GRM1: variants seen among roughly 807,000 people sequenced by gnomAD.
The protein encoded by GRM1 is glutamate metabotropic receptor 1.
A neutral mutation model predicts 90.9 loss-of-function variants in GRM1; 33 were observed. The ratio of observed to expected loss-of-function variants is 0.36; its 90% CI spans 0.28 to 0.49. The LOEUF (loss-of-function observed/expected upper bound fraction) is 0.49. GRM1 is among the 20% of genes least tolerant of loss of function. The pLI is 0.99. For missense variants in GRM1, 1,190 were observed against 1,534.3 expected, an observed-to-expected ratio of 0.78 and a Z score of 3.75; for synonymous variants, 700 against 613.2, an observed-to-expected ratio of 1.14 and a Z score of -2.09.
chr6:146,109,435 A>G (rs189390608), intron 1 of GRM1, among the ~76,000 whole-genome samples: 1 of 152,290 alleles, frequency 6.6e-6, no homozygotes, highest in Admixed American at 6.5e-5. Flanking sequence ...CTGCGAGTGC[A>G]CAGAAGTCAA....
At chr6:146,096,137 T>C (rs1326453159) in intron 1 of GRM1, among the ~76,000 whole-genome samples, 1 of 152,200 alleles carries the variant, frequency 6.6e-6, no homozygotes, top group Non-Finnish European at 1.5e-5. Context: ...TCAGATACTT[T>C]AGTTTTTGTA....
Position 146,179,757 on chromosome 6 carries a change from C to T in GRM1, c.950+20160C>T, listed in dbSNP as rs547659684. ...GTCTCGATCTCCTGACCTTGTGATC[C>T]GCCCACCTCGGCCTCCCAAAGTGCT... On this transcript the variant is annotated intron_variant, in intron 2 of 7. Transcript: ENST00000282753. Among the ~76,000 whole-genome samples, 5 of 152,118 alleles carry T rather than the reference C, an allele frequency of 3.3e-5. No individual in the cohort carries two copies. The East Asian group carries it at 7.7e-4, about 23-fold the overall frequency.
chr6:146,336,330 G>A (rs941647396), intron 3 of GRM1, among the ~76,000 whole-genome samples: 10 of 152,184 alleles, frequency 6.6e-5, no homozygotes, highest in African/African-American at 9.7e-5. Context: ...GAGGAAGTAA[G>A]CTAAGACTGG....
At chr6:146,318,697 T>A (rs905970836) in intron 3 of GRM1, among the ~76,000 whole-genome samples, 1 of 152,222 alleles carries the variant, frequency 6.6e-6, no homozygotes, top group African/African-American at 2.4e-5. Flanking sequence ...ATCACCATTC[T>A]AAATGGCAAG....
intron 2 of GRM1, among the ~76,000 whole-genome samples, chr6:146,253,992 C>T (rs752884107): frequency 5.3e-5 from 8 of 151,844 alleles, no homozygotes; most frequent in Non-Finnish European, 1.2e-4. Context: ...GAAAACCCTA[C>T]ATCCCAGGAT....
chr6:146,132,646 A>G (rs994783326), intron 1 of GRM1, among the ~76,000 whole-genome samples: 6 of 152,202 alleles, frequency 3.9e-5, no homozygotes, highest in Admixed American at 2.0e-4. Flanking sequence ...AAACAGACAT[A>G]TGATGAAGGT....
intron 2 of GRM1, among the ~76,000 whole-genome samples, chr6:146,264,873 T>A (rs942519796): frequency 2.6e-5 from 4 of 152,310 alleles, no homozygotes; most frequent in African/African-American, 9.6e-5. Flanking sequence ...ATTTTATTCT[T>A]TTTTATGGCT....
chr6:146,398,851 C>T lies in GRM1; in HGVS notation c.1812C>T (p.Ile604=). The change falls in exon 7 of 8, where the codon ATC becomes ATT. Residue 604 remains isoleucine (I), a synonymous_variant. Transcript: ENST00000282753. Reference sequence around the variant, plus strand: ...CCATCGCCTTTTCATGCCTGGGAATCCTTGTTACCTTGTTTGTCACCCTAA... The same window carrying T: ...CCATCGCCTTTTCATGCCTGGGAATTCTTGTTACCTTGTTTGTCACCCTAA... ...IIAIAFSCLG[I]LVTLFVTLIF... is the part of the protein sequence containing the mutation. 1.9e-6 allele frequency: 3 copies of T among 1,613,714 alleles called. No homozygotes were observed. Among genetic ancestry groups the T allele is most frequent in the Non-Finnish European group, 2.5e-6 (3 of 1,179,640 alleles).
intron 1 of GRM1, among the ~76,000 whole-genome samples, chr6:146,129,181 A>G (rs1391377931): frequency 2.0e-5 from 3 of 151,950 alleles, no homozygotes; most frequent in Admixed American, 6.6e-5. Flanking sequence ...TTCTTTTTTC[A>G]TCTATTAATA....
intron 7 of GRM1, among the ~76,000 whole-genome samples, chr6:146,420,802 T>C (rs1777963286): frequency 6.6e-6 from 1 of 152,136 alleles, no homozygotes; most frequent in South Asian, 2.1e-4. Flanking sequence ...AGAAACTAAA[T>C]AGATGATGAG....
At chr6:146,191,637 TC>T (rs780411313) in intron 2 of GRM1, among the ~76,000 whole-genome samples, 8 of 152,222 alleles carry the variant, frequency 5.3e-5, no homozygotes, top group Non-Finnish European at 1.2e-4. Flanking sequence ...AAATATTGAA[TC>T]CTTTCTGTTT....
At chr6:146,222,173 AC>A (rs1189619570) in intron 2 of GRM1, among the ~76,000 whole-genome samples, 1 of 152,192 alleles carries the variant, frequency 6.6e-6, no homozygotes, top group African/African-American at 2.4e-5. Flanking sequence ...AGTATTATGT[AC>A]AATTGTAAAG....
At chr6:146,243,733 G>C (rs1223955728) in intron 2 of GRM1, among the ~76,000 whole-genome samples, 1 of 152,108 alleles carries the variant, frequency 6.6e-6, no homozygotes, top group Non-Finnish European at 1.5e-5. Context: ...ATCTTATCAG[G>C]AGACAGGGTT....
chr6:146,173,430 A>AAAAG (rs199557620), intron 2 of GRM1, among the ~76,000 whole-genome samples: 3 of 151,344 alleles, frequency 2.0e-5, no homozygotes, highest in South Asian at 2.1e-4. Context: ...AAGAAAAAGA[A>AAAAG]AAAGAAAGAA....
intron 2 of GRM1, among the ~76,000 whole-genome samples, chr6:146,258,908 A>T (rs1004588471): frequency 6.6e-6 from 1 of 152,168 alleles, no homozygotes; most frequent in East Asian, 1.9e-4. Context: ...ATCTTGTTCA[A>T]TGCATTGAAA....
Position 146,434,376 on chromosome 6 carries a change from C to G in GRM1, c.3165C>G (p.Pro1055=). 1 of 1,613,354 alleles carries G rather than the reference C, an allele frequency of 6.2e-7. No individual in the cohort carries two copies. Among genetic ancestry groups the G allele is most frequent in the South Asian group, 1.1e-5 (1 of 91,030 alleles). Residue 1055 remains proline (P), a synonymous_variant, in exon 8 of 8, where the codon CCC becomes CCG. Transcript: ENST00000282753. ...ATTTTCACGCGGTGCTGGCAGGCCCCGGTGGTCCCGGGAACGGGCTGCGGT... is the reference window on the plus strand; with the variant it reads ...ATTTTCACGCGGTGCTGGCAGGCCCGGGTGGTCCCGGGAACGGGCTGCGGT... ...IPDFHAVLAG[P]GGPGNGLRSL... is the part of the protein sequence containing the mutation.
intron 7 of GRM1, among the ~76,000 whole-genome samples, chr6:146,432,264 C>T (rs1219859976): frequency 1.3e-5 from 2 of 152,126 alleles, no homozygotes; most frequent in African/African-American, 2.4e-5. Flanking sequence ...CTCAAATAAT[C>T]AGGTCAAAAC....
At chr6:146,193,350 T>A (rs1394750781) in intron 2 of GRM1, among the ~76,000 whole-genome samples, 1 of 152,298 alleles carries the variant, frequency 6.6e-6, no homozygotes, top group African/African-American at 2.4e-5. Flanking sequence ...GTCCAAGGAC[T>A]GAACCCTGGG....
At chr6:146,302,591 A>G (rs563960699) in intron 2 of GRM1, among the ~76,000 whole-genome samples, 1 of 150,914 alleles carries the variant, frequency 6.6e-6, no homozygotes, top group Non-Finnish European at 1.5e-5. Context: ...GGGTTTTTCC[A>G]TGTTGCCTAG....
Sources: allele counts gnomAD v4.1 joint callset (sites outside exome capture counted in the v4.1 genomes callset), GRCh38; gene constraint gnomAD v4.1.1; transcripts MANE v1.5; gene names NCBI Gene and HGNC (gene_info 2026-07-23, HGNC 2026-07-21).